RAD51B: variants seen among roughly 807,000 people sequenced by gnomAD.
The protein encoded by RAD51B is RAD51 paralog B, also known as DNA repair protein RAD51 homolog 2.
Under a neutral mutation model 42.2 loss-of-function variants are expected in RAD51B, and 38 were observed. The ratio of observed to expected loss-of-function variants is 0.90; its 90% CI spans 0.70 to 1.18. The LOEUF is 1.18. Ranked by LOEUF, RAD51B falls within the 50% of genes most tolerant of loss-of-function variation. The pLI is 0.00. For synonymous variants in RAD51B, 154 were observed against 145.2 expected (o/e 1.06, Z -0.43); for missense variants, 373 against 400.7 (o/e 0.93, Z 0.59).
chr14:68,593,960 A>T (rs1278377468), intron 10 of RAD51B, among the ~76,000 whole-genome samples: 2 of 151,928 alleles, frequency 1.3e-5, no homozygotes, highest in African/African-American at 4.8e-5. Context: ...CTCCCAGAAG[A>T]CCCCTCAGCG....
intron 7 of RAD51B, among the ~76,000 whole-genome samples, chr14:68,213,143 G>A (rs2079746192): frequency 6.6e-6 from 1 of 152,140 alleles, no homozygotes; most frequent in Admixed American, 6.5e-5. Context: ...AAGTGAGATA[G>A]GATTTTTTAA....
At chr14:68,511,857 C>G (rs1366077071) in intron 10 of RAD51B, among the ~76,000 whole-genome samples, 9 of 152,144 alleles carry the variant, frequency 5.9e-5, no homozygotes, top group Admixed American at 5.9e-4. Flanking sequence ...GCCACTGTTC[C>G]CCTTTTGGGT....
At chr14:68,257,848 A>G (rs1480160740) in intron 7 of RAD51B, among the ~76,000 whole-genome samples, 1 of 152,178 alleles carries the variant, frequency 6.6e-6, no homozygotes, top group Non-Finnish European at 1.5e-5. Context: ...TCCATAACCC[A>G]TGCTTTTAAA....
chr14:68,292,649 C>T (rs566500246), intron 8 of RAD51B, among the ~76,000 whole-genome samples: 1 of 152,292 alleles, frequency 6.6e-6, no homozygotes, highest in South Asian at 2.1e-4. Context: ...TCTGGGTAGA[C>T]ATGCATAGCT....
At chr14:68,003,643 T>C (rs2075526590) in intron 7 of RAD51B, among the ~76,000 whole-genome samples, 1 of 152,212 alleles carries the variant, frequency 6.6e-6, no homozygotes, top group Non-Finnish European at 1.5e-5. Flanking sequence ...CAGTATGATA[T>C]TGGCTGTGGG....
intron 7 of RAD51B, among the ~76,000 whole-genome samples, chr14:68,144,629 T>G (rs999182511): frequency 6.6e-6 from 1 of 152,198 alleles, no homozygotes; most frequent in African/African-American, 2.4e-5. Context: ...TATCTTGCCC[T>G]ATACCTGGCA....
At chr14:67,943,817 G>T (rs2045289965) in intron 7 of RAD51B, among the ~76,000 whole-genome samples, 2 of 152,118 alleles carry the variant, frequency 1.3e-5, no homozygotes, top group South Asian at 4.1e-4. Context: ...GTTATAATGA[G>T]TTAGGGCCTA....
intron 7 of RAD51B, among the ~76,000 whole-genome samples, chr14:67,992,746 A>C (rs2075315659): frequency 3.5e-5 from 5 of 144,316 alleles, no homozygotes; most frequent in Admixed American, 3.4e-4. Context: ...AGTATTTAGA[A>C]GGAAAAATGT....
chr14:68,397,968 C>T (rs2083974719), intron 8 of RAD51B, among the ~76,000 whole-genome samples: 1 of 152,226 alleles, frequency 6.6e-6, no homozygotes, highest in Non-Finnish European at 1.5e-5. Flanking sequence ...TTCCCTCCCA[C>T]GCAGGAACAT....
At chr14:68,492,653 C>G (rs1195647696) in intron 10 of RAD51B, among the ~76,000 whole-genome samples, 1 of 152,216 alleles carries the variant, frequency 6.6e-6, no homozygotes, top group East Asian at 1.9e-4. Context: ...TTGCACATAG[C>G]AGGTGCCTAG....
intron 7 of RAD51B, among the ~76,000 whole-genome samples, chr14:68,191,650 C>T (rs189324431): frequency 6.6e-6 from 1 of 152,260 alleles, no homozygotes; most frequent in Non-Finnish European, 1.5e-5. Context: ...AGGTCTTACT[C>T]AGAATAGGTT....
At chr14:68,096,214 G>A (rs1189307707) in intron 7 of RAD51B, among the ~76,000 whole-genome samples, 2 of 152,044 alleles carry the variant, frequency 1.3e-5, no homozygotes. Context: ...CCTGCTCTTT[G>A]GTTCAGCTAT....
intron 10 of RAD51B, among the ~76,000 whole-genome samples, chr14:68,574,969 G>A (rs1465826043): frequency 6.6e-6 from 1 of 152,188 alleles, no homozygotes; most frequent in East Asian, 1.9e-4. Context: ...CCACTCTGAG[G>A]TTAGAGAAGA....
intron 7 of RAD51B, among the ~76,000 whole-genome samples, chr14:68,027,994 G>A (rs2075980731): frequency 6.6e-6 from 1 of 152,054 alleles, no homozygotes; most frequent in African/African-American, 2.4e-5. Flanking sequence ...ATAGTCAGTT[G>A]GCGTCATTTC....
At chr14:68,390,032 A>T (rs2083702805) in intron 8 of RAD51B, among the ~76,000 whole-genome samples, 1 of 152,242 alleles carries the variant, frequency 6.6e-6, no homozygotes, top group Non-Finnish European at 1.5e-5. Flanking sequence ...ATCTGAGACA[A>T]GTCTGTAAAA....
chr14:67,954,544 T>C (rs1232926223), intron 7 of RAD51B, among the ~76,000 whole-genome samples: 1 of 152,138 alleles, frequency 6.6e-6, no homozygotes, highest in Non-Finnish European at 1.5e-5. Context: ...TCCACTAGGT[T>C]TGGTGGTTTT....
chr14:68,315,260 A>T (rs1340106775), intron 8 of RAD51B, among the ~76,000 whole-genome samples: 1 of 152,332 alleles, frequency 6.6e-6, no homozygotes, highest in Admixed American at 6.5e-5. Flanking sequence ...TTGGCAGCAG[A>T]TCTGTAGCGG....
At chr14:68,086,812 T>C (rs33949561) in intron 7 of RAD51B, among the ~76,000 whole-genome samples, 46,138 of 151,928 alleles carry the variant, frequency 0.3, 9,777 homozygotes, top group African/African-American at 0.61. Flanking sequence ...ACTTCTGGGG[T>C]TTCCTGAAAG....
At chr14:68,109,779 G>T (rs2077432351) in intron 7 of RAD51B, among the ~76,000 whole-genome samples, 1 of 151,926 alleles carries the variant, frequency 6.6e-6, no homozygotes, top group Non-Finnish European at 1.5e-5. Flanking sequence ...ATAACATGAG[G>T]CACTGGTAAT....
Sources: gnomAD v4.1 joint callset for allele counts (sites outside exome capture counted in the v4.1 genomes callset) on GRCh38, gnomAD v4.1.1 for gene constraint, MANE v1.5 for transcripts, NCBI Gene and HGNC (gene_info 2026-07-23, HGNC 2026-07-21) for gene names.